The following CRTC1 variants were observed in gnomAD, a reference collection of about 807,000 sequenced individuals.
CRTC1 encodes CREB-regulated transcription coactivator 1.
Under a neutral mutation model 66.1 loss-of-function variants are expected in CRTC1, and 18 were observed. The ratio of observed to expected loss-of-function variants is 0.27; its 90% CI spans 0.19 to 0.40. CRTC1 has a LOEUF of 0.40. Among genes scored for constraint, CRTC1 ranks in the 10% least tolerant of loss-of-function variants. The pLI is 1.00. For synonymous variants in CRTC1, 416 were observed against 398.8 expected (o/e 1.04, Z -0.51); for missense variants, 669 against 887.9 (o/e 0.75, Z 3.13).
At chr19:18,755,961 C>G (rs2054474946) in intron 6 of CRTC1, among the ~76,000 whole-genome samples, 2 of 152,162 alleles carry the variant, frequency 1.3e-5, no homozygotes. Flanking sequence ...TAGTCTCAAA[C>G]TCCTGGGCTC....
rs1171813785 is a variant in CRTC1 at position 18,774,960 on chromosome 19, A to G, written c.1486A>G (p.Arg496Gly). 1.9e-6 allele frequency: 3 copies of G among 1,607,766 alleles called. No homozygotes were observed. Among genetic ancestry groups the G allele is most frequent in the Non-Finnish European group, 2.5e-6 (3 of 1,179,970 alleles). ...GTACTATGAGCAGCAGATGGCGGCC[A>G]GGCAGGCCAATGCTCTGTCCCACCA... ...DAYYEQQMAARQANALSHQLE... is the reference protein window; with the variant it reads ...DAYYEQQMAAGQANALSHQLE... The change falls in exon 12 of 14, where the codon AGG becomes GGG. Residue 496 changes from arginine to glycine, a missense_variant. Arg to Gly is a moderately radical substitution (Grantham distance 125). Around this residue, in one of 8 missense-constraint regions of CRTC1, gnomAD observed 79 missense variants for 100.1 expected, o/e 0.79. Transcript: ENST00000321949.
At position 18,775,849 on chromosome 19, in the gene CRTC1, G is replaced by A. The variant is rs373529276; in HGVS notation, c.1693+28G>A. 2.5e-5 allele frequency: 38 copies of A among 1,537,806 alleles called. No homozygotes were observed. In the African/African-American group the frequency reaches 3.6e-4, roughly 15 times the overall value. On this transcript the variant is annotated intron_variant, in intron 13 of 13. Transcript: ENST00000321949. The stretch of plus-strand genomic sequence containing the variant: ...GAGGCCAGGCCGGGGGCGCGTGTGC[G>A]GCGCCCCAAGGGGCCTCAGCCCGTG...
rs1258718413 is a variant in CRTC1, at chr19:18,693,478, TG to T, written c.126+9651del. Among the ~76,000 whole-genome samples, 55 of 148,086 alleles carry T rather than the reference TG, an allele frequency of 3.7e-4. 2 individuals carry two copies. Among genetic ancestry groups the T allele is most frequent in the African/African-American group, 8.7e-4 (34 of 39,056 alleles). On this transcript the variant is annotated intron_variant, in intron 1 of 13. Coordinates refer to ENST00000321949, the MANE Select transcript of CRTC1 (RefSeq NM_015321.3). ...GTTTTACCAAGGAGCTTAACTCTTT[TG>T]TTTTTGTTTTTTTTTTTTTTGAAAC...
chr19:18,729,004 G>C (rs112678095), intron 1 of CRTC1, among the ~76,000 whole-genome samples: 8 of 142,172 alleles, frequency 5.6e-5, no homozygotes, highest in Non-Finnish European at 9.2e-5. Flanking sequence ...GTAGAGACAG[G>C]GTTCCACCAT....
intron 1 of CRTC1, among the ~76,000 whole-genome samples, chr19:18,696,123 C>A (rs1309557970): frequency 6.6e-6 from 1 of 152,148 alleles, no homozygotes; most frequent in Non-Finnish European, 1.5e-5. Context: ...GGGAGACAGG[C>A]CCGGAGAGCG....
At chr19:18,723,695 G>T (rs2053679362) in intron 1 of CRTC1, among the ~76,000 whole-genome samples, 1 of 152,222 alleles carries the variant, frequency 6.6e-6, no homozygotes, top group South Asian at 2.1e-4. Flanking sequence ...CTGCCTGATT[G>T]CCATTTGTCT....
rs755661640 is a variant in CRTC1 at position 18,771,463 on chromosome 19, C to T, written c.1342C>T (p.Arg448Cys). The T allele has an allele frequency of 4.3e-6, 7 of 1,613,302 alleles. No individual in the cohort carries two copies. The highest frequency in any genetic ancestry group is 4.0e-5 in the African/African-American group (3 of 74,862). Residue 448 changes from arginine (R) to cysteine (C), a missense_variant, in exon 11 of 14, where the codon CGC (arginine) becomes TGC (cysteine). This residue lies in a region of CRTC1 where 241 missense variants were observed against 242.2 expected (regional missense o/e 0.99). Transcript: ENST00000321949. The surrounding 1 kb of genome is among the most constrained non-coding windows in gnomAD (Gnocchi z 4.6). ...IASAPALQQY[R>C]TSAGSPANQS... ...GCAGGCGCCGGCTCTGCAGCAGTAC[C>T]GCACTAGCGCCGGCTCCCCGGCCAA...
At chr19:18,775,926 G>T (rs2054978600) in intron 13 of CRTC1, 105 bp downstream of exon 13, 3 of 1,250,112 alleles carry the variant, frequency 2.4e-6, no homozygotes, top group African/African-American at 1.5e-5. Flanking sequence ...ACAGGGCCGG[G>T]GTTGTGACCC....
intron 1 of CRTC1, among the ~76,000 whole-genome samples, chr19:18,730,688 G>A (rs1456092290): frequency 6.6e-6 from 1 of 152,010 alleles, no homozygotes. Context: ...CATCCCGGAC[G>A]GTTCCTGTAA....
intron 1 of CRTC1, among the ~76,000 whole-genome samples, chr19:18,693,618 G>T (rs938674787): frequency 6.6e-6 from 1 of 151,394 alleles, no homozygotes; most frequent in East Asian, 2.1e-4. Flanking sequence ...AGTAGCTGGG[G>T]CTACAGGCGT....
At chr19:18,748,736 C>T (rs977310190) in intron 4 of CRTC1, among the ~76,000 whole-genome samples, 8 of 150,568 alleles carry the variant, frequency 5.3e-5, no homozygotes, top group African/African-American at 1.7e-4. Flanking sequence ...CATACATACA[C>T]ACGCACACAC....
intron 1 of CRTC1, among the ~76,000 whole-genome samples, chr19:18,705,923 G>A (rs2053251358): frequency 1.4e-5 from 2 of 142,370 alleles, no homozygotes. Flanking sequence ...TTGGAGAAAT[G>A]TTTATTCAAG....
At chr19:18,736,960 G>T (rs1006349804) in intron 1 of CRTC1, among the ~76,000 whole-genome samples, 1 of 152,190 alleles carries the variant, frequency 6.6e-6, no homozygotes. Context: ...CCCTGTGCAG[G>T]ATTCCTGGGA....
intron 1 of CRTC1, among the ~76,000 whole-genome samples, chr19:18,735,884 G>C (rs775855534): frequency 9.2e-5 from 14 of 152,222 alleles, no homozygotes; most frequent in Non-Finnish European, 1.3e-4. Flanking sequence ...CTGTGGGCTC[G>C]TGTGAGCAGT....
Position 18,749,728 on chromosome 19 carries a change from C to G in CRTC1, c.444-53C>G, listed in dbSNP as rs932372217. 14 of 1,446,940 alleles carry G rather than the reference C, an allele frequency of 9.7e-6. No homozygotes were observed. In the South Asian group the frequency reaches 1.1e-4, roughly 12 times the overall value. 89.6% of individuals were successfully genotyped at this position (1,446,940 alleles called of 1,614,324 possible). A position where few individuals can be genotyped will look rare whatever the true frequency, so the allele number is the denominator to read the frequency against. ...GTGTCCCAGCTGGGATCAGGACTAT[C>G]GCATTGTCTGCCTTGGGCTGAGGCT... On this transcript the variant is annotated intron_variant, in intron 4 of 13. Transcript: ENST00000321949.
chr19:18,753,116 TAAAA>T (rs929662181), intron 5 of CRTC1, among the ~76,000 whole-genome samples: 2 of 147,650 alleles, frequency 1.4e-5, no homozygotes, highest in East Asian at 2.0e-4. Flanking sequence ...ATAAAAAAAA[TAAAA>T]AAAAAATTAG....
chr19:18,698,958 G>A (rs904736072), intron 1 of CRTC1, among the ~76,000 whole-genome samples: 7 of 151,602 alleles, frequency 4.6e-5, no homozygotes, highest in Non-Finnish European at 1.0e-4. Flanking sequence ...TGCATAATGT[G>A]TATTTAGCAG....
chr19:18,782,159 A>G lies in CRTC1; in HGVS notation c.*4777A>G. On this transcript the variant is annotated 3_prime_UTR_variant, in exon 14 of 14. Transcript: ENST00000321949. ...TGGCTCTCCCCCAACCCTAGCATGT[A>G]TACTCTGCCACGGACGTCCCGTGGG... The G allele has an allele frequency of 4.4e-6, 1 of 227,468 alleles. No individual in the cohort carries two copies. Among genetic ancestry groups the G allele is most frequent in the Non-Finnish European group, 8.7e-6 (1 of 114,524 alleles). 14.1% of individuals were successfully genotyped at this position (227,468 alleles called of 1,614,324 possible).
intron 11 of CRTC1, 40 bp from the exon 12 acceptor site, chr19:18,774,860 C>T (rs1043115928): frequency 1.2e-6 from 2 of 1,601,352 alleles, no homozygotes; most frequent in South Asian, 1.1e-5. Context: ...CCCACCTGGC[C>T]TCAGGCCGTG....
Sources: allele counts gnomAD v4.1 joint callset (sites outside exome capture counted in the v4.1 genomes callset), GRCh38; gene constraint gnomAD v4.1.1; regional missense constraint gnomAD v4.1.1; non-coding constraint Gnocchi (gnomAD v3.1); transcripts MANE v1.5; gene names NCBI Gene and HGNC (gene_info 2026-07-23, HGNC 2026-07-21).